The following GALNTL6 variants were observed in gnomAD, a reference collection of about 807,000 sequenced individuals.
GALNTL6 encodes polypeptide N-acetylgalactosaminyltransferase like 6, also known as polypeptide N-acetylgalactosaminyltransferase-like 6.
GALNTL6 carries 46 observed loss-of-function variants against 73.7 expected under a neutral mutation model. The observed-to-expected ratio is 0.62, with a 90% CI of 0.49 to 0.80. The LOEUF (loss-of-function observed/expected upper bound fraction) is 0.80, where lower values mean the gene tolerates loss of function less well. GALNTL6 is among the 30% of genes least tolerant of loss of function. The pLI, the probability that GALNTL6 is intolerant of heterozygous loss-of-function variation, is 0.00. For missense variants in GALNTL6, 604 were observed against 755.0 expected (o/e 0.80, Z 2.34); for synonymous variants, 259 against 263.7 (o/e 0.98, Z 0.17).
At chr4:172,858,716 G>T (rs1176099931) in intron 7 of GALNTL6, among the ~76,000 whole-genome samples, 2 of 152,086 alleles carry the variant, frequency 1.3e-5, no homozygotes, top group Admixed American at 6.6e-5. Context: ...GCTGTCTACT[G>T]TTCCTGCTCA....
At chr4:172,029,452 A>G (rs12504133) in intron 2 of GALNTL6, among the ~76,000 whole-genome samples, 1 of 152,004 alleles carries the variant, frequency 6.6e-6, no homozygotes, top group Non-Finnish European at 1.5e-5. Context: ...ATACTGATCT[A>G]TATGGTCTTG....
At chr4:171,827,130 A>C (rs1170277719) in intron 2 of GALNTL6, among the ~76,000 whole-genome samples, 1 of 152,156 alleles carries the variant, frequency 6.6e-6, no homozygotes, top group Non-Finnish European at 1.5e-5. Context: ...ATATAGGCAG[A>C]GATAAAAAAG....
chr4:172,432,556 G>T (rs1398993520), intron 5 of GALNTL6, among the ~76,000 whole-genome samples: 1 of 151,788 alleles, frequency 6.6e-6, no homozygotes, highest in African/African-American at 2.4e-5. Flanking sequence ...AAGTCCCAAG[G>T]ATTTACTGCA....
rs911306006 is a variant in GALNTL6 at position 172,156,553 on chromosome 4, A to G, written c.139-73103A>G. Among the ~76,000 whole-genome samples, 1,133 of 137,594 alleles carry G rather than the reference A, an allele frequency of 8.2e-3. 92 individuals are homozygous for G. Among genetic ancestry groups the G allele is most frequent in the African/African-American group, 0.03 (1,069 of 35,604 alleles). The allele number at this position is 137,594 out of a possible 152,430, so 90.3% of individuals were successfully genotyped here. A position where few individuals can be genotyped will look rare whatever the true frequency, so the allele number is the denominator to read the frequency against. On this transcript the variant is annotated intron_variant, in intron 2 of 12. Coordinates refer to ENST00000506823, the MANE Select transcript of GALNTL6 (RefSeq NM_001034845.3). ...ACATATATATATAATATATATATATATATATATATATATACATACTATATA... is the reference window on the plus strand; with the variant it reads ...ACATATATATATAATATATATATATGTATATATATATATACATACTATATA...
chr4:172,144,388 G>T (rs1032715969), intron 2 of GALNTL6, among the ~76,000 whole-genome samples: 1 of 152,096 alleles, frequency 6.6e-6, no homozygotes, highest in African/African-American at 2.4e-5. Flanking sequence ...CTACTACTAT[G>T]TAACTCTGAA....
chr4:171,965,702 T>C (rs1418739117), intron 2 of GALNTL6, among the ~76,000 whole-genome samples: 1 of 146,014 alleles, frequency 6.8e-6, no homozygotes, highest in Non-Finnish European at 1.5e-5. Context: ...GATAATACCA[T>C]ATGAATTACA....
At chr4:172,208,063 G>A (rs970950670) in intron 2 of GALNTL6, among the ~76,000 whole-genome samples, 2 of 152,132 alleles carry the variant, frequency 1.3e-5, no homozygotes, top group South Asian at 2.1e-4. Flanking sequence ...CAGTAGAATT[G>A]TGATATTTTA....
chr4:172,845,809 ACAGGTGAGG>A (rs1208683242), intron 7 of GALNTL6, among the ~76,000 whole-genome samples: 1 of 152,204 alleles, frequency 6.6e-6, no homozygotes, highest in Non-Finnish European at 1.5e-5. Context: ...AATTCTCAGT[ACAGGTGAGG>A]CAGGTAAGTT....
At chr4:172,810,116 G>C (rs1215746356) in intron 6 of GALNTL6, among the ~76,000 whole-genome samples, 2 of 152,130 alleles carry the variant, frequency 1.3e-5, no homozygotes, top group Non-Finnish European at 2.9e-5. Context: ...TAAATATACA[G>C]TTCTTTGTAT....
intron 2 of GALNTL6, among the ~76,000 whole-genome samples, chr4:172,149,815 C>T (rs917432312): frequency 2.6e-5 from 4 of 152,142 alleles, no homozygotes; most frequent in Non-Finnish European, 5.9e-5. Flanking sequence ...TACCACTGTC[C>T]ATACCCTTCT....
intron 2 of GALNTL6, among the ~76,000 whole-genome samples, chr4:172,112,935 C>T (rs1352638740): frequency 6.6e-6 from 1 of 151,824 alleles, no homozygotes; most frequent in Non-Finnish European, 1.5e-5. Flanking sequence ...TTGGACTACC[C>T]AGCCTACAGA....
intron 2 of GALNTL6, among the ~76,000 whole-genome samples, chr4:172,094,280 A>C (rs958046037): frequency 6.6e-6 from 1 of 152,184 alleles, no homozygotes; most frequent in Non-Finnish European, 1.5e-5. Flanking sequence ...GTGATTGTCT[A>C]TCACTTAATT....
chr4:172,864,238 C>T (rs147945032), intron 7 of GALNTL6, among the ~76,000 whole-genome samples: 11 of 152,230 alleles, frequency 7.2e-5, no homozygotes, highest in South Asian at 2.1e-4. Context: ...CTTAAGAATC[C>T]CAGCACATGC....
chr4:171,965,331 C>G (rs1244478445), intron 2 of GALNTL6, among the ~76,000 whole-genome samples: 3 of 151,966 alleles, frequency 2.0e-5, no homozygotes, highest in Non-Finnish European at 4.4e-5. Flanking sequence ...ATTTTATAAT[C>G]CAGAATCCAG....
chr4:172,705,048 A>G (rs927522363), intron 5 of GALNTL6, among the ~76,000 whole-genome samples: 2 of 151,656 alleles, frequency 1.3e-5, no homozygotes, highest in East Asian at 3.9e-4. Context: ...ATATTCTTCT[A>G]TTTTTTCTAT....
At chr4:172,201,815 A>C (rs1735967047) in intron 2 of GALNTL6, among the ~76,000 whole-genome samples, 2 of 152,212 alleles carry the variant, frequency 1.3e-5, no homozygotes, top group African/African-American at 4.8e-5. Context: ...AATGATAATC[A>C]GCCACAATGT....
At chr4:172,515,257 T>C (rs1734562369) in intron 5 of GALNTL6, among the ~76,000 whole-genome samples, 1 of 152,248 alleles carries the variant, frequency 6.6e-6, no homozygotes, top group Non-Finnish European at 1.5e-5. Flanking sequence ...AAATGGTTCA[T>C]GTAGGGATTT....
intron 10 of GALNTL6, among the ~76,000 whole-genome samples, chr4:172,987,235 C>T (rs902255471): frequency 8.6e-5 from 13 of 151,942 alleles, no homozygotes; most frequent in African/African-American, 2.7e-4. Context: ...TTCAGCATGG[C>T]GGGGAGGCCT....
chr4:172,794,346 T>C (rs1034306419), intron 5 of GALNTL6, among the ~76,000 whole-genome samples: 1 of 152,210 alleles, frequency 6.6e-6, no homozygotes, highest in Non-Finnish European at 1.5e-5. Context: ...TCCTTGGACA[T>C]TGATTAAGTT....
Sources: gnomAD v4.1 joint callset for allele counts (sites outside exome capture counted in the v4.1 genomes callset) on GRCh38, gnomAD v4.1.1 for gene constraint, MANE v1.5 for transcripts, NCBI Gene and HGNC (gene_info 2026-07-23, HGNC 2026-07-21) for gene names.